ZNF230: variants seen among roughly 807,000 people sequenced by gnomAD.
ZNF230 encodes zinc finger protein FDZF2.
ZNF230 carries 12 observed loss-of-function variants against 10.0 expected under a neutral mutation model. The ratio of observed to expected loss-of-function variants is 1.20; its 90% CI spans 0.77 to 1.95. ZNF230 has a LOEUF of 1.95. Ranked by LOEUF, ZNF230 falls within the 30% of genes most tolerant of loss-of-function variation. The pLI is 0.00. For missense variants in ZNF230, 532 were observed against 565.8 expected (o/e 0.94, Z 0.61); for synonymous variants, 174 against 193.6 (o/e 0.90, Z 0.84).
rs763664963 is a variant in ZNF230, at chr19:44,010,440, A to C, written c.401A>C (p.His134Pro). The C allele has an allele frequency of 1.2e-6, 2 of 1,614,230 alleles. No individual in the cohort carries two copies. The highest frequency in any genetic ancestry group is 1.7e-6 in the Non-Finnish European group (2 of 1,180,030). The stretch of plus-strand genomic sequence containing the variant: ...GTTGAGGCAGGACTATCTATAATTC[A>C]TACAGGACAGAAACCTTCACAGAAT... Reference protein sequence around the residue: ...SQVEAGLSIIHTGQKPSQNGK... With the variant: ...SQVEAGLSIIPTGQKPSQNGK... The change falls in exon 5 of 5, where the codon CAT (histidine) becomes CCT (proline). Residue 134 changes from histidine (H) to proline (P), a missense_variant. By Grantham distance (77) the His-to-Pro change is moderately conservative. Coordinates refer to ENST00000429154, the MANE Select transcript of ZNF230 (RefSeq NM_006300.4).
intron 1 of ZNF230, among the ~76,000 whole-genome samples, chr19:44,005,121 C>CA (rs35234320): frequency 0.79 from 114,375 of 145,696 alleles, 44,765 homozygotes; most frequent in South Asian, 0.88. Flanking sequence ...GACTCTGTCT[C>CA]AAAAAAAAAA....
rs998853319 is a variant in ZNF230, at chr19:44,013,305, G to A, written c.*1841G>A. On this transcript the variant is annotated 3_prime_UTR_variant, in exon 5 of 5. Transcript: ENST00000429154. ...TATGAAATACCAAGAGAAACCTATC[G>A]GAGTTTGGTAATTTCATGAAATGTA... The A allele has an allele frequency of 5.3e-5, 8 of 152,102 alleles. No homozygotes were observed. Among genetic ancestry groups the A allele is most frequent in the South Asian group, 2.1e-4 (1 of 4,830 alleles). 9.4% of individuals were successfully genotyped at this position (152,102 alleles called of 1,614,324 possible).
At position 44,010,345 on chromosome 19, in the gene ZNF230, CTT is replaced by C. The variant is rs760202436; in HGVS notation, c.307_308del (p.Leu103AsnfsTer10). 6.2e-7 allele frequency: 1 copy of C among 1,614,112 alleles called. No homozygotes were observed. The highest frequency in any genetic ancestry group is 8.5e-7 in the Non-Finnish European group (1 of 1,180,028). ...QQIWEQTASD[L>X]TQSQDSIINN... ...AAATCTGGGAACAAACTGCAAGTGA[CTT>C]AACCCAGTCTCAAGACTCCATCATA... On this transcript the variant is annotated frameshift_variant, in exon 5 of 5. Transcript: ENST00000429154. LOFTEE classifies it low-confidence loss of function (END_TRUNC).
chr19:44,011,047 C>A lies in ZNF230; in HGVS notation c.1008C>A (p.Tyr336Ter). The A allele has an allele frequency of 2.5e-6, 4 of 1,614,146 alleles. No homozygotes were observed. The highest frequency in any genetic ancestry group is 3.4e-6 in the Non-Finnish European group (4 of 1,180,010). Residue 336 changes from tyrosine (Y) to a stop codon, truncating the protein, a stop_gained, in exon 5 of 5, where the codon TAC (tyrosine) becomes TAA (stop). Coordinates refer to ENST00000429154, the MANE Select transcript of ZNF230 (RefSeq NM_006300.4). LOFTEE classifies it low-confidence loss of function (END_TRUNC). ...HQIIHTGQKP[Y>*]NCKECGKSFR... ...TAATTCACACAGGACAGAAACCGTA[C>A]AATTGTAAAGAATGTGGGAAGAGCT...
rs761439152 is a variant in ZNF230 at position 44,010,677 on chromosome 19, C to T, written c.638C>T (p.Thr213Ile). 1 of 1,614,198 alleles carries T rather than the reference C, an allele frequency of 6.2e-7. No homozygotes were observed. Among genetic ancestry groups the T allele is most frequent in the Non-Finnish European group, 8.5e-7 (1 of 1,180,026 alleles). ...TTCAGTCAGAGCTCATGTCTGCAAA[C>T]TCGTGAGAGAGTCCACACTGGAGAG... is the stretch of plus-strand genomic sequence containing the variant. ...KEFSQSSCLQ[T>I]RERVHTGEKP... Residue 213 changes from threonine to isoleucine, a missense_variant, in exon 5 of 5, where the codon ACT becomes ATT. Transcript: ENST00000429154.
Position 44,010,520 on chromosome 19 carries a change from T to G in ZNF230, c.481T>G (p.Phe161Val). The change falls in exon 5 of 5, where the codon TTC (phenylalanine) becomes GTC (valine). Residue 161 changes from phenylalanine to valine, a missense_variant. Phe to Val is a conservative substitution (Grantham distance 50, BLOSUM62 -1). Transcript: ENST00000429154. ...TGCCATCTTTGATCCTCCTCAGCAGTTCCACTCAGGAGAGAAGTCTCATAC... is the reference window on the plus strand; with the variant it reads ...TGCCATCTTTGATCCTCCTCAGCAGGTCCACTCAGGAGAGAAGTCTCATAC... Reference protein sequence around the residue: ...DVAIFDPPQQFHSGEKSHTCN... With the variant: ...DVAIFDPPQQVHSGEKSHTCN... 6.2e-7 allele frequency: 1 copy of G among 1,614,248 alleles called. No individual in the cohort carries two copies. Among genetic ancestry groups the G allele is most frequent in the Non-Finnish European group, 8.5e-7 (1 of 1,180,034 alleles).
chr19:44,007,141 C>T, intron 2 of ZNF230, 48 bp downstream of exon 2: 1 of 1,574,670 alleles, frequency 6.4e-7, no homozygotes, highest in Non-Finnish European at 8.7e-7. Flanking sequence ...TCTTATTGCT[C>T]ATATTGTCAT....
intron 2 of ZNF230, among the ~76,000 whole-genome samples, chr19:44,007,662 C>A (rs1976135798): frequency 6.6e-6 from 1 of 152,200 alleles, no homozygotes; most frequent in African/African-American, 2.4e-5. Context: ...ACACACCAAG[C>A]TCCTGTGTTT....
In ZNF230 at chr19:44,012,596, C is replaced by T; in HGVS notation, c.*1132C>T. 1 of 433,008 alleles carries T rather than the reference C, an allele frequency of 2.3e-6. No individual in the cohort carries two copies. The highest frequency in any genetic ancestry group is 4.5e-6 in the Non-Finnish European group (1 of 221,192). 26.8% of individuals were successfully genotyped at this position (433,008 alleles called of 1,614,324 possible). Reference sequence around the variant, plus strand: ...AGAGTTTGTTCACACATTTACAAAACCCTAATGATGAACATGTCAAAAGTG... The same window carrying T: ...AGAGTTTGTTCACACATTTACAAAATCCTAATGATGAACATGTCAAAAGTG... On this transcript the variant is annotated 3_prime_UTR_variant, in exon 5 of 5. Coordinates refer to ENST00000429154, the MANE Select transcript of ZNF230 (RefSeq NM_006300.4).
intron 2 of ZNF230, 76 bp downstream of exon 2, chr19:44,007,169 G>C: frequency 6.8e-7 from 1 of 1,472,230 alleles, no homozygotes; most frequent in South Asian, 1.3e-5. Flanking sequence ...TCTCTGTCTT[G>C]GGAAGACTCA....
Position 44,012,572 on chromosome 19 carries a change from G to A in ZNF230, c.*1108G>A. 2.1e-6 allele frequency: 1 copy of A among 469,274 alleles called. No homozygotes were observed. Among genetic ancestry groups the A allele is most frequent in the Non-Finnish European group, 4.2e-6 (1 of 237,358 alleles). 29.1% of individuals were successfully genotyped at this position (469,274 alleles called of 1,614,324 possible). On this transcript the variant is annotated 3_prime_UTR_variant, in exon 5 of 5. Coordinates refer to ENST00000429154, the MANE Select transcript of ZNF230 (RefSeq NM_006300.4). Reference sequence around the variant, plus strand: ...ATTCAGGAGACAGGCCTTAGAATAAGAGTTTGTTCACACATTTACAAAACC... The same window carrying A: ...ATTCAGGAGACAGGCCTTAGAATAAAAGTTTGTTCACACATTTACAAAACC...
chr19:44,010,776 A>C lies in ZNF230; in HGVS notation c.737A>C (p.His246Pro). The C allele has an allele frequency of 6.2e-7, 1 of 1,614,244 alleles. No homozygotes were observed. The highest frequency in any genetic ancestry group is 8.5e-7 in the Non-Finnish European group (1 of 1,180,028). Residue 246 changes from histidine (H) to proline (P), a missense_variant, in exon 5 of 5, where the codon CAC (histidine) becomes CCC (proline). Physicochemically the swap from His to Pro is moderately conservative, Grantham distance 77. Coordinates refer to ENST00000429154, the MANE Select transcript of ZNF230 (RefSeq NM_006300.4). ...ATACTTCAAGTTCACTGCAAATTAC[A>C]CACAGGAGAGAAACCTTATATTTGT... ...RAILQVHCKL[H>P]TGEKPYICEK...
At chr19:44,009,364 T>G in intron 4 of ZNF230, 194 bp downstream of exon 4, 1 of 630,076 alleles carries the variant, frequency 1.6e-6, no homozygotes, top group Non-Finnish European at 2.7e-6. Flanking sequence ...GCAGCCAAAA[T>G]GATCCTTGGG....
chr19:44,007,825 G>T (rs1976137094), intron 2 of ZNF230, among the ~76,000 whole-genome samples: 1 of 152,150 alleles, frequency 6.6e-6, no homozygotes, highest in South Asian at 2.1e-4. Context: ...TGGGCCAATT[G>T]CCCAGGATAT....
At position 44,010,448 on chromosome 19, in the gene ZNF230, C is replaced by T. The variant is rs1976166884; in HGVS notation, c.409C>T (p.Gln137Ter). 1 of 1,614,246 alleles carries T rather than the reference C, an allele frequency of 6.2e-7. No homozygotes were observed. The highest frequency in any genetic ancestry group is 8.5e-7 in the Non-Finnish European group (1 of 1,180,046). Residue 137 changes from glutamine to a stop codon, truncating the protein, a stop_gained, in exon 5 of 5, where the codon CAG becomes TAG. Coordinates refer to ENST00000429154, the MANE Select transcript of ZNF230 (RefSeq NM_006300.4). LOFTEE classifies it low-confidence loss of function (END_TRUNC). ...AGGACTATCTATAATTCATACAGGA[C>T]AGAAACCTTCACAGAATGGGAAGTG... ...EAGLSIIHTG[Q>*]KPSQNGKCKQ... is the part of the protein sequence containing the mutation.
intron 4 of ZNF230, 95 bp downstream of exon 4, chr19:44,009,265 T>G: frequency 7.4e-7 from 1 of 1,357,658 alleles, no homozygotes; most frequent in Admixed American, 2.0e-5. Flanking sequence ...TGATCTAAAT[T>G]GCCCAATCTC....
chr19:44,009,259 C>G, intron 4 of ZNF230, 89 bp downstream of exon 4: 1 of 1,386,520 alleles, frequency 7.2e-7, no homozygotes. Context: ...TCACCCTGAT[C>G]TAAATTGCCC....
At position 44,008,800 on chromosome 19, in the gene ZNF230, C is replaced by T. The variant is rs1418145174; in HGVS notation, c.26C>T (p.Thr9Ile). The T allele has an allele frequency of 6.2e-7, 1 of 1,613,840 alleles. No homozygotes were observed. The highest frequency in any genetic ancestry group is 1.1e-5 in the South Asian group (1 of 91,076). MTTFKEAVTFKDVAVFFTE... is the reference protein window; with the variant it reads MTTFKEAVIFKDVAVFFTE... ...TCCTTGATGTTATAGGAGGCAGTGACCTTCAAGGATGTGGCTGTGTTCTTC... is the reference window on the plus strand; with the variant it reads ...TCCTTGATGTTATAGGAGGCAGTGATCTTCAAGGATGTGGCTGTGTTCTTC... Residue 9 changes from threonine to isoleucine, a missense_variant, in exon 3 of 5, where the codon ACC (threonine) becomes ATC (isoleucine). Physicochemically the swap from Thr to Ile is moderately conservative, Grantham distance 89. Transcript: ENST00000429154.
In ZNF230 at chr19:44,007,044, C is replaced by G. The variant is rs1301663712; in HGVS notation, c.-35C>G. The G allele has an allele frequency of 1.3e-6, 2 of 1,580,272 alleles. No individual in the cohort carries two copies. The highest frequency in any genetic ancestry group is 1.7e-5 in the Admixed American group (1 of 59,382). On this transcript the variant is annotated 5_prime_UTR_variant, in exon 2 of 5. It introduces an in-frame stop codon into an upstream open reading frame of the 5' UTR. Transcript: ENST00000429154. ...CCACCTTCCTTTGTGCTCCATTACTCAAGACACTGAAGACTCCAAAAAGTA... is the reference window on the plus strand; with the variant it reads ...CCACCTTCCTTTGTGCTCCATTACTGAAGACACTGAAGACTCCAAAAAGTA...
Sources: gnomAD v4.1 joint callset for allele counts (sites outside exome capture counted in the v4.1 genomes callset) on GRCh38, gnomAD v4.1.1 for gene constraint, MANE v1.5 for transcripts, NCBI Gene and HGNC (gene_info 2026-07-23, HGNC 2026-07-21) for gene names.